CNIH3: variants seen among roughly 807,000 people sequenced by gnomAD.
CNIH3 encodes protein cornichon homolog 3.
CNIH3 carries 14 observed loss-of-function variants against 24.1 expected under a neutral mutation model. The observed-to-expected ratio is 0.58, with a 90% CI of 0.38 to 0.91. The LOEUF (loss-of-function observed/expected upper bound fraction) is 0.91. Among genes scored for constraint, CNIH3 ranks in the 40% least tolerant of loss-of-function variants. The pLI, the probability that CNIH3 is intolerant of heterozygous loss-of-function variation, is 0.00. For missense variants in CNIH3, 178 were observed against 196.8 expected (o/e 0.90, Z 0.57); for synonymous variants, 68 against 73.8 (o/e 0.92, Z 0.40).
At chr1:224,472,292 A>G (rs1010347865) in intron 1 of CNIH3, among the ~76,000 whole-genome samples, 3 of 152,214 alleles carry the variant, frequency 2.0e-5, no homozygotes, top group African/African-American at 7.2e-5. Flanking sequence ...CATTTTCTAT[A>G]TGATAATAGA....
chr1:224,506,932 A>G (rs1352644478), intron 1 of CNIH3, among the ~76,000 whole-genome samples: 1 of 152,034 alleles, frequency 6.6e-6, no homozygotes, highest in Non-Finnish European at 1.5e-5. Context: ...GTGTGATCAC[A>G]GCTCACTGCA....
intron 1 of CNIH3, among the ~76,000 whole-genome samples, chr1:224,517,267 G>A (rs376712919): frequency 9.9e-5 from 15 of 152,048 alleles, no homozygotes; most frequent in African/African-American, 3.4e-4. Flanking sequence ...ACCCAATAGT[G>A]TGTGCAGAAA....
chr1:224,681,891 G>C (rs957290275), intron 2 of CNIH3, among the ~76,000 whole-genome samples: 1 of 152,204 alleles, frequency 6.6e-6, no homozygotes, highest in African/African-American at 2.4e-5. Context: ...CACTGGTTCT[G>C]TGTTTAGTTG....
At chr1:224,501,396 A>G (rs1677659713) in intron 1 of CNIH3, among the ~76,000 whole-genome samples, 1 of 151,992 alleles carries the variant, frequency 6.6e-6, no homozygotes, top group Non-Finnish European at 1.5e-5. Flanking sequence ...CATGAGGCAG[A>G]TACTATTATT....
chr1:224,435,127 A>C (rs1025849324), intron 1 of CNIH3: 6 of 985,824 alleles, frequency 6.1e-6, no homozygotes, highest in Non-Finnish European at 7.2e-6. Flanking sequence ...TGAGTCCACC[A>C]GTGTGGCATG....
intron 3 of CNIH3, among the ~76,000 whole-genome samples, chr1:224,603,770 C>G (rs1364845880): frequency 6.6e-6 from 1 of 152,056 alleles, no homozygotes; most frequent in Non-Finnish European, 1.5e-5. Context: ...TAAAGGATGT[C>G]TGAGGTGGTT....
intron 3 of CNIH3, among the ~76,000 whole-genome samples, chr1:224,710,310 C>T (rs777437026): frequency 7.9e-5 from 12 of 152,236 alleles, no homozygotes; most frequent in Non-Finnish European, 1.3e-4. Flanking sequence ...CCTCCTCCTC[C>T]AGGCCACTGC....
chr1:224,736,232 C>T (rs1558352445), intron 5 of CNIH3, among the ~76,000 whole-genome samples: 1 of 152,114 alleles, frequency 6.6e-6, no homozygotes, highest in Non-Finnish European at 1.5e-5. Context: ...TCAAGGGATC[C>T]TCCTGCCTAA....
At chr1:224,480,811 T>C (rs4517322) in intron 1 of CNIH3, among the ~76,000 whole-genome samples, 127,516 of 152,222 alleles carry the variant, frequency 0.84, 53,779 homozygotes, top group East Asian at 0.97. Context: ...AACAAGTCTC[T>C]GAGGAAGTTC....
Position 224,617,184 on chromosome 1 carries a change from A to G in CNIH3, c.10A>G (p.Thr4Ala), listed in dbSNP as rs1395673938. Reference sequence around the variant, plus strand: ...TTGGGGTCCGCCGGCCATGGCCTTCACTTTCGCTGCGTTCTGCTACATGCT... The same window carrying G: ...TTGGGGTCCGCCGGCCATGGCCTTCGCTTTCGCTGCGTTCTGCTACATGCT... MAFTFAAFCYMLSL... is the reference protein window; with the variant it reads MAFAFAAFCYMLSL... Residue 4 changes from threonine (T) to alanine (A), a missense_variant, in exon 1 of 6, where the codon ACT becomes GCT. Thr to Ala is a moderately conservative substitution (Grantham distance 58). Transcript: ENST00000272133. The G allele has an allele frequency of 6.2e-7, 1 of 1,613,738 alleles. No individual in the cohort carries two copies. Among genetic ancestry groups the G allele is most frequent in the East Asian group, 2.2e-5 (1 of 44,840 alleles).
At chr1:224,564,944 C>A (rs1039601821) in intron 3 of CNIH3, among the ~76,000 whole-genome samples, 1 of 152,246 alleles carries the variant, frequency 6.6e-6, no homozygotes, top group Non-Finnish European at 1.5e-5. Flanking sequence ...TAGGACCAGA[C>A]AGATGGTGGG....
intron 1 of CNIH3, among the ~76,000 whole-genome samples, chr1:224,674,272 GTTTTTTTTTTTTTTTTTTTTTT>G (rs71170028): frequency 2.4e-4 from 17 of 72,082 alleles, no homozygotes; most frequent in Admixed American, 1.0e-3. Flanking sequence ...TTCCAGGAAG[GTTTTTTTTTTTTTTTTTTTTTT>G]TTTTTTTTTT....
At chr1:224,533,958 A>G (rs1248868217) in intron 2 of CNIH3, among the ~76,000 whole-genome samples, 2 of 152,180 alleles carry the variant, frequency 1.3e-5, no homozygotes, top group African/African-American at 4.8e-5. Flanking sequence ...TGAGCCCAGG[A>G]GTTTGAGACT....
chr1:224,629,558 G>A (rs1264788103), intron 1 of CNIH3, among the ~76,000 whole-genome samples: 1 of 152,124 alleles, frequency 6.6e-6, no homozygotes, highest in Non-Finnish European at 1.5e-5. Flanking sequence ...CGAACACTGG[G>A]TTGCTTCCAC....
rs71170025 is a variant in CNIH3, at chr1:224,506,282, C to CGT, written n.204-9458_204-9457insTG. ...ATATGCACGCACACGCGCGCGCGCGCGCGCGCACACACACACACACACGGT... is the reference window on the plus strand; with the variant it reads ...ATATGCACGCACACGCGCGCGCGCGCGTGCGCGCACACACACACACACACGGT... On this transcript the variant is annotated intron_variant and non_coding_transcript_variant, in intron 1 of 5. Coordinates refer to the CNIH3 transcript ENST00000471578. 3.7e-4 allele frequency among the ~76,000 whole-genome samples: 28 copies of CGT among 75,518 alleles called. No homozygotes were observed. The Middle Eastern group carries it at 0.024, about 65-fold the overall frequency. The allele number at this position is 75,518 out of a possible 152,430, so 49.5% of individuals were successfully genotyped here. A position where few individuals can be genotyped will look rare whatever the true frequency, so the allele number is the denominator to read the frequency against.
intron 1 of CNIH3, among the ~76,000 whole-genome samples, chr1:224,667,117 C>T (rs1685633407): frequency 6.6e-6 from 1 of 152,164 alleles, no homozygotes; most frequent in Non-Finnish European, 1.5e-5. Flanking sequence ...ATTAAATATT[C>T]AGTGAATGAA....
intron 1 of CNIH3, among the ~76,000 whole-genome samples, chr1:224,670,206 A>C (rs1389454522): frequency 6.6e-6 from 1 of 152,114 alleles, no homozygotes; most frequent in Non-Finnish European, 1.5e-5. Context: ...TTAGGGAGAG[A>C]GAGGCATGGA....
chr1:224,639,576 G>C (rs778625553), intron 1 of CNIH3, among the ~76,000 whole-genome samples: 1 of 152,192 alleles, frequency 6.6e-6, no homozygotes, highest in Non-Finnish European at 1.5e-5. Context: ...AGAAACTAAA[G>C]ATAACATCTT....
intron 1 of CNIH3, among the ~76,000 whole-genome samples, chr1:224,641,797 T>C (rs1252596358): frequency 6.6e-6 from 1 of 152,234 alleles, no homozygotes; most frequent in Non-Finnish European, 1.5e-5. Flanking sequence ...ATCTGTGTCA[T>C]AGGATCTAGG....
Sources: gnomAD v4.1 joint callset for allele counts (sites outside exome capture counted in the v4.1 genomes callset) on GRCh38, gnomAD v4.1.1 for gene constraint, MANE v1.5 for transcripts, NCBI Gene and HGNC (gene_info 2026-07-23, HGNC 2026-07-21) for gene names.